IMMP2L: variants seen among roughly 807,000 people sequenced by gnomAD.
The protein encoded by IMMP2L is inner mitochondrial membrane peptidase subunit 2, also known as mitochondrial inner membrane protease subunit 2.
Under a neutral mutation model 19.3 loss-of-function variants are expected in IMMP2L, and 18 were observed. The observed-to-expected ratio is 0.93, with a 90% confidence interval of 0.64 to 1.38. IMMP2L has a LOEUF of 1.38. Among genes scored for constraint, IMMP2L ranks in the 40% most tolerant of loss-of-function variants. IMMP2L has a pLI of 0.00. For synonymous variants in IMMP2L, 76 were observed against 73.0 expected (o/e 1.04, Z -0.21); for missense variants, 233 against 218.2 (o/e 1.07, Z -0.43).
chr7:111,443,085 T>C (rs1386153301), intron 3 of IMMP2L, among the ~76,000 whole-genome samples: 1 of 151,886 alleles, frequency 6.6e-6, no homozygotes. Context: ...AAAGATAAAT[T>C]AGTAAAAATA....
At chr7:110,928,033 A>G (rs1346452355) in intron 4 of IMMP2L, among the ~76,000 whole-genome samples, 1 of 151,912 alleles carries the variant, frequency 6.6e-6, no homozygotes, top group Non-Finnish European at 1.5e-5. Context: ...ATTTTAGAGC[A>G]GGGCCAGAAA....
chr7:110,987,642 T>C (rs1265052124), intron 3 of IMMP2L, among the ~76,000 whole-genome samples: 1 of 152,186 alleles, frequency 6.6e-6, no homozygotes, highest in Non-Finnish European at 1.5e-5. Flanking sequence ...GTTTATTTAC[T>C]GCAATGTTTC....
chr7:110,704,504 T>C (rs17157916), intron 5 of IMMP2L, among the ~76,000 whole-genome samples: 5,379 of 152,320 alleles, frequency 0.035, 143 homozygotes, highest in African/African-American at 0.069. Context: ...ATGTGGTGAA[T>C]TCTGCATCAA....
intron 5 of IMMP2L, among the ~76,000 whole-genome samples, chr7:110,766,119 ATTGAG>A (rs545781866): frequency 1.1e-4 from 17 of 152,320 alleles, no homozygotes; most frequent in South Asian, 8.3e-4. Context: ...TGTATTGGTT[ATTGAG>A]TTATCTACAA....
chr7:110,682,474 T>C (rs1792794091), intron 5 of IMMP2L, among the ~76,000 whole-genome samples: 1 of 152,076 alleles, frequency 6.6e-6, no homozygotes, highest in South Asian at 2.1e-4. Flanking sequence ...AGTTTGTCAG[T>C]TGATTAGATG....
intron 3 of IMMP2L, among the ~76,000 whole-genome samples, chr7:111,295,511 A>G (rs185371119): frequency 5.3e-5 from 8 of 152,034 alleles, no homozygotes; most frequent in African/African-American, 1.9e-4. Context: ...TAAAATGGAA[A>G]AGAGTCACAA....
At chr7:111,134,707 A>T (rs1313355582) in intron 3 of IMMP2L, among the ~76,000 whole-genome samples, 1 of 152,136 alleles carries the variant, frequency 6.6e-6, no homozygotes, top group Non-Finnish European at 1.5e-5. Flanking sequence ...TGTTTGAAAA[A>T]AACTTTCGGA....
chr7:110,812,091 T>C (rs1314013713), intron 5 of IMMP2L, among the ~76,000 whole-genome samples: 1 of 152,050 alleles, frequency 6.6e-6, no homozygotes, highest in Non-Finnish European at 1.5e-5. Context: ...GATACATATA[T>C]CCACATATGT....
At chr7:110,899,547 C>A (rs1336166703) in intron 4 of IMMP2L, among the ~76,000 whole-genome samples, 1 of 152,064 alleles carries the variant, frequency 6.6e-6, no homozygotes, top group Non-Finnish European at 1.5e-5. Flanking sequence ...ATAAGGAATT[C>A]TTGCTAATTC....
intron 3 of IMMP2L, among the ~76,000 whole-genome samples, chr7:111,333,064 C>G (rs976793763): frequency 6.6e-6 from 1 of 151,954 alleles, no homozygotes; most frequent in African/African-American, 2.4e-5. Flanking sequence ...ATAGCCCAGA[C>G]CCTCCAGGAA....
chr7:111,501,071 T>A (rs1451108078), intron 2 of IMMP2L, among the ~76,000 whole-genome samples: 1 of 151,874 alleles, frequency 6.6e-6, no homozygotes, highest in South Asian at 2.1e-4. Flanking sequence ...GTTAAAAACT[T>A]TGAAAAAAAA....
chr7:111,155,507 T>C (rs530916316), intron 3 of IMMP2L, among the ~76,000 whole-genome samples: 105 of 152,190 alleles, frequency 6.9e-4, no homozygotes, highest in South Asian at 3.5e-3. Flanking sequence ...TTCTAACCAA[T>C]CTCTAAGCCA....
intron 1 of IMMP2L, among the ~76,000 whole-genome samples, chr7:111,559,012 A>G (rs1187021706): frequency 6.6e-6 from 1 of 152,116 alleles, no homozygotes; most frequent in Non-Finnish European, 1.5e-5. Flanking sequence ...CACTAGAAGA[A>G]ACCTATGGGA....
At position 111,152,133 on chromosome 7, in the gene IMMP2L, A is replaced by G. The variant is rs965841420; in HGVS notation, c.240-188568T>C. ...TGGAAGGGAGAAAATCGGTGAGGTT[A>G]TTGAAGCTGGAAGATGCATACATGG... is the stretch of plus-strand genomic sequence containing the variant. On this transcript the variant is annotated intron_variant, in intron 3 of 5. Transcript: ENST00000405709. Among the ~76,000 whole-genome samples the G allele has an allele frequency of 3.9e-5, 6 of 152,178 alleles. No homozygotes were observed. The South Asian group carries it at 1.2e-3, about 31-fold the overall frequency.
Position 111,175,408 on chromosome 7 carries a change from TG to T in IMMP2L, c.240-211844del, listed in dbSNP as rs554824216. ...TACACTTTTTAGTAATAATGTAATA[TG>T]GGGGGTAGGAGAGATATAAATACAG... On this transcript the variant is annotated intron_variant, in intron 3 of 5. Coordinates refer to ENST00000405709, the MANE Select transcript of IMMP2L (RefSeq NM_032549.4). 1.2e-4 allele frequency among the ~76,000 whole-genome samples: 18 copies of T among 151,916 alleles called. No individual in the cohort carries two copies. In the East Asian group the frequency reaches 3.3e-3, roughly 28 times the overall value.
chr7:111,182,233 T>G (rs1414938241), intron 3 of IMMP2L, among the ~76,000 whole-genome samples: 1 of 152,052 alleles, frequency 6.6e-6, no homozygotes, highest in African/African-American at 2.4e-5. Flanking sequence ...AGTGGAACTC[T>G]GGAACAGGAT....
chr7:111,544,335 T>C (rs982015818), intron 1 of IMMP2L, among the ~76,000 whole-genome samples: 4 of 152,048 alleles, frequency 2.6e-5, no homozygotes, highest in Admixed American at 6.5e-5. Flanking sequence ...ACATGGCACA[T>C]GTATACACAT....
At chr7:111,364,981 A>C (rs1829632006) in intron 3 of IMMP2L, among the ~76,000 whole-genome samples, 3 of 151,696 alleles carry the variant, frequency 2.0e-5, no homozygotes, top group African/African-American at 4.8e-5. Flanking sequence ...AAAAAAAAAA[A>C]TCTATAAACA....
intron 3 of IMMP2L, among the ~76,000 whole-genome samples, chr7:111,439,041 A>G (rs184404008): frequency 1.3e-5 from 2 of 151,986 alleles, no homozygotes; most frequent in African/African-American, 4.8e-5. Context: ...TGTGAAATCA[A>G]GCCGGGGTCC....
Sources: allele counts gnomAD v4.1 joint callset (sites outside exome capture counted in the v4.1 genomes callset), GRCh38; gene constraint gnomAD v4.1.1; transcripts MANE v1.5; gene names NCBI Gene and HGNC (gene_info 2026-07-23, HGNC 2026-07-21).